R3HDM1: variants seen among roughly 807,000 people sequenced by gnomAD.
R3HDM1 encodes R3H domain-containing protein 1.
A neutral mutation model predicts 141.1 loss-of-function variants in R3HDM1; 46 were observed. The observed-to-expected ratio is 0.33, with a 90% CI of 0.26 to 0.42. The LOEUF is 0.42. Among genes scored for constraint, R3HDM1 ranks in the 10% least tolerant of loss-of-function variants. The probability of loss-of-function intolerance (pLI) is 1.00; values close to 1 mark genes in which losing one functional copy is unlikely to be tolerated. For missense variants in R3HDM1, 1,184 were observed against 1,368.3 expected (o/e 0.87, Z 2.12); for synonymous variants, 435 against 472.9 (o/e 0.92, Z 1.04).
chr2:135,574,037 A>C (rs1704775959), intron 1 of R3HDM1, among the ~76,000 whole-genome samples: 1 of 152,192 alleles, frequency 6.6e-6, no homozygotes, highest in African/African-American at 2.4e-5. Context: ...GAAATTAATG[A>C]GGTAGGGAAT....
chr2:135,592,827 T>C (rs1709612755), intron 1 of R3HDM1, among the ~76,000 whole-genome samples: 1 of 152,032 alleles, frequency 6.6e-6, no homozygotes, highest in Non-Finnish European at 1.5e-5. Flanking sequence ...GCTATCGTAG[T>C]GTACTGCACC....
At chr2:135,599,013 G>T (rs1439856490) in intron 1 of R3HDM1, among the ~76,000 whole-genome samples, 1 of 151,852 alleles carries the variant, frequency 6.6e-6, no homozygotes, top group African/African-American at 2.4e-5. Context: ...CTAGATTTTG[G>T]TGTCACACTT....
chr2:135,552,489 C>T (rs947244912), intron 1 of R3HDM1, among the ~76,000 whole-genome samples: 10 of 152,164 alleles, frequency 6.6e-5, no homozygotes, highest in South Asian at 2.1e-4. Context: ...AGCCACCACA[C>T]GCGGCCTAAT....
Position 135,715,706 on chromosome 2 carries a change from T to C in R3HDM1, c.2881+12T>C. ...TGTCCCCGGGCAAGGTAAGTGCACA[T>C]GAAACTAGTCACAACTTCAGAGAAT... On this transcript the variant is annotated intron_variant, in intron 24 of 26. Coordinates refer to ENST00000683871, the MANE Select transcript of R3HDM1 (RefSeq NM_001378107.1). The C allele has an allele frequency of 6.2e-7, 1 of 1,607,940 alleles. No homozygotes were observed. Among genetic ancestry groups the C allele is most frequent in the Non-Finnish European group, 8.5e-7 (1 of 1,177,286 alleles).
chr2:135,707,000 CG>C (rs1224222594), intron 21 of R3HDM1, among the ~76,000 whole-genome samples: 2 of 151,916 alleles, frequency 1.3e-5, no homozygotes, highest in African/African-American at 2.4e-5. Flanking sequence ...GCTGGCCGGG[CG>C]GGGGGCTGAC....
At chr2:135,541,852 A>T (rs1371159065) in intron 1 of R3HDM1, among the ~76,000 whole-genome samples, 7 of 89,276 alleles carry the variant, frequency 7.8e-5, no homozygotes, top group African/African-American at 3.1e-4. Context: ...TCAATTTGTT[A>T]AAAAAAAAAA....
rs112495568 is a variant in R3HDM1, at chr2:135,630,299, A to C, written c.498-1419A>C. On this transcript the variant is annotated intron_variant, in intron 7 of 26. Coordinates refer to ENST00000683871, the MANE Select transcript of R3HDM1 (RefSeq NM_001378107.1). ...TCTCAACCAAAAAAAAAAAAAAAAAAAAAAAAAAACAAAAAAAAAACGAGA... is the reference window on the plus strand; with the variant it reads ...TCTCAACCAAAAAAAAAAAAAAAAACAAAAAAAAACAAAAAAAAAACGAGA... Among the ~76,000 whole-genome samples the C allele has an allele frequency of 9.7e-3, 1,429 of 146,708 alleles. 27 individuals carry two copies. The highest frequency in any genetic ancestry group is 0.034 in the African/African-American group (1,273 of 37,716).
intron 21 of R3HDM1, among the ~76,000 whole-genome samples, chr2:135,695,261 C>A (rs2073066057): frequency 6.6e-6 from 1 of 152,126 alleles, no homozygotes; most frequent in Non-Finnish European, 1.5e-5. Context: ...TCAGAAATTA[C>A]CTGTCTCCAA....
At chr2:135,616,368 C>CT (rs1442476510) in intron 4 of R3HDM1, among the ~76,000 whole-genome samples, 175 bp downstream of exon 4, 7 of 152,038 alleles carry the variant, frequency 4.6e-5, no homozygotes, top group Non-Finnish European at 8.8e-5. Context: ...TTGTGCATTG[C>CT]TTTTTTTATC....
intron 18 of R3HDM1, among the ~76,000 whole-genome samples, chr2:135,656,004 T>A (rs908778252): frequency 9.9e-5 from 15 of 152,232 alleles, no homozygotes; most frequent in Non-Finnish European, 1.5e-5. Flanking sequence ...TTTCGTTTAC[T>A]CTGGTCATCA....
intron 1 of R3HDM1, chr2:135,549,859 A>G: frequency 1.8e-6 from 1 of 568,092 alleles, no homozygotes; most frequent in Non-Finnish European, 2.2e-6. Flanking sequence ...ACTGAATTGT[A>G]CCTTTAAAAA....
intron 18 of R3HDM1, 42 bp downstream of exon 18, chr2:135,652,074 C>T: frequency 6.6e-7 from 1 of 1,514,036 alleles, no homozygotes; most frequent in Non-Finnish European, 8.8e-7. Flanking sequence ...GGAAACCTCT[C>T]ACTTAAGATC....
intron 5 of R3HDM1, 133 bp downstream of exon 5, chr2:135,616,890 A>G: frequency 4.1e-6 from 3 of 734,126 alleles, no homozygotes; most frequent in Non-Finnish European, 6.6e-6. Context: ...TTGGCACCCA[A>G]GAGATATATG....
chr2:135,685,354 A>G (rs1349567895), intron 21 of R3HDM1, among the ~76,000 whole-genome samples: 1 of 152,122 alleles, frequency 6.6e-6, no homozygotes, highest in Non-Finnish European at 1.5e-5. Flanking sequence ...GTACGGCAAC[A>G]TGAACAAAAT....
intron 1 of R3HDM1, among the ~76,000 whole-genome samples, chr2:135,552,418 A>T (rs1009148162): frequency 6.6e-6 from 1 of 151,750 alleles, no homozygotes; most frequent in African/African-American, 2.4e-5. Flanking sequence ...CTGGTCTCGA[A>T]CTCCTGACCT....
At chr2:135,531,778 C>G (rs1376893756) in intron 1 of R3HDM1, 145 bp downstream of exon 1, 3 of 985,544 alleles carry the variant, frequency 3.0e-6, no homozygotes, top group African/African-American at 3.5e-5. Context: ...CCTTCCCCGC[C>G]GGGTCGTCGG....
chr2:135,631,804 G>C, intron 8 of R3HDM1, 27 bp downstream of exon 8: 6 of 1,566,080 alleles, frequency 3.8e-6, no homozygotes, highest in Non-Finnish European at 5.2e-6. Flanking sequence ...AACAAGAAAA[G>C]AAATTGTCAT....
Position 135,531,529 on chromosome 2 carries a change from G to T in R3HDM1, c.-354G>T. Reference sequence around the variant, plus strand: ...CGCTGGAGCCGGTGTCCGGGCTGGTGATGGGGTTAATTCCCTTTCGTAAGA... The same window carrying T: ...CGCTGGAGCCGGTGTCCGGGCTGGTTATGGGGTTAATTCCCTTTCGTAAGA... On this transcript the variant is annotated 5_prime_UTR_variant, in exon 1 of 27. Transcript: ENST00000683871. 1.0e-6 allele frequency: 1 copy of T among 985,848 alleles called. No homozygotes were observed. Among genetic ancestry groups the T allele is most frequent in the Non-Finnish European group, 1.2e-6 (1 of 829,988 alleles). 61.1% of individuals were successfully genotyped at this position (985,848 alleles called of 1,614,324 possible).
At chr2:135,608,895 A>C (rs2060295807) in intron 3 of R3HDM1, among the ~76,000 whole-genome samples, 1 of 152,228 alleles carries the variant, frequency 6.6e-6, no homozygotes, top group African/African-American at 2.4e-5. Context: ...TTGCTTCAGC[A>C]TAGTAATATT....
Sources: gnomAD v4.1 joint callset for allele counts (sites outside exome capture counted in the v4.1 genomes callset) on GRCh38, gnomAD v4.1.1 for gene constraint, MANE v1.5 for transcripts, NCBI Gene and HGNC (gene_info 2026-07-23, HGNC 2026-07-21) for gene names.